SLIT3: variants seen among roughly 807,000 people sequenced by gnomAD.
SLIT3 encodes slit homolog 3 protein.
Under a neutral mutation model 184.0 loss-of-function variants are expected in SLIT3, and 68 were observed. That is an observed-to-expected ratio of 0.37 (90% CI 0.30 to 0.45). The LOEUF (loss-of-function observed/expected upper bound fraction) is 0.45, where lower values mean the gene tolerates loss of function less well. Among genes scored for constraint, SLIT3 ranks in the 20% least tolerant of loss-of-function variants. SLIT3 has a pLI of 1.00. For synonymous variants in SLIT3, 831 were observed against 828.6 expected, an observed-to-expected ratio of 1.00 and a Z score of -0.05; for missense variants, 1,707 against 2,026.0, an observed-to-expected ratio of 0.84 and a Z score of 3.02.
chr5:169,019,668 A>G (rs544575436), intron 4 of SLIT3, among the ~76,000 whole-genome samples: 10 of 152,354 alleles, frequency 6.6e-5, no homozygotes, highest in African/African-American at 2.2e-4. Flanking sequence ...AGGGGAGCAT[A>G]TGGAAAATGC....
intron 22 of SLIT3, 90 bp downstream of exon 22, chr5:168,722,843 A>G: frequency 1.0e-6 from 1 of 992,518 alleles, no homozygotes; most frequent in South Asian, 1.3e-5. Context: ...ATTAGGGCAG[A>G]GAAACTAGTC....
At chr5:169,280,400 A>G (rs1766958682) in intron 1 of SLIT3, among the ~76,000 whole-genome samples, 2 of 151,162 alleles carry the variant, frequency 1.3e-5, no homozygotes, top group Non-Finnish European at 1.5e-5. Context: ...CTAATTAATC[A>G]CTCCCACTTA....
intron 15 of SLIT3, 71 bp from the exon 16 acceptor site, chr5:168,761,007 G>A (rs1242106826): frequency 2.7e-6 from 3 of 1,109,366 alleles, no homozygotes; most frequent in Admixed American, 3.4e-5. Context: ...CCATGGCTTT[G>A]CTGCATTGCT....
intron 12 of SLIT3, 111 bp from the exon 13 acceptor site, chr5:168,774,489 G>A (rs1755671261): frequency 2.6e-6 from 3 of 1,134,264 alleles, no homozygotes. Context: ...CATCCTTGCA[G>A]CCTTGAGCTC....
At chr5:168,909,402 C>T (rs975673396) in intron 4 of SLIT3, among the ~76,000 whole-genome samples, 1 of 152,168 alleles carries the variant, frequency 6.6e-6, no homozygotes, top group Non-Finnish European at 1.5e-5. Flanking sequence ...AGGTCCTCTC[C>T]CCCATGGCGC....
intron 5 of SLIT3, among the ~76,000 whole-genome samples, chr5:168,848,278 A>G (rs1048651974): frequency 6.6e-6 from 1 of 152,346 alleles, no homozygotes; most frequent in Non-Finnish European, 1.5e-5. Context: ...AGTGACGACA[A>G]TAAAGACTGA....
At position 169,244,746 on chromosome 5, in the gene SLIT3, G is replaced by A. The variant is rs1295246785; in HGVS notation, c.300C>T (p.Ile100=). Residue 100 remains isoleucine, a synonymous_variant, in exon 3 of 36, where the codon ATC becomes ATT. Transcript: ENST00000519560. ...TCAGGTCCTGGAAGGCGCCTCTCTCGATGACGCTGACCTGGTTGTCTTCCA... is the reference window on the plus strand; with the variant it reads ...TCAGGTCCTGGAAGGCGCCTCTCTCAATGACGCTGACCTGGTTGTCTTCCA... ...LHLEDNQVSV[I]ERGAFQDLKQ... 6.8e-6 allele frequency: 11 copies of A among 1,613,798 alleles called. No individual in the cohort carries two copies. Among genetic ancestry groups the A allele is most frequent in the African/African-American group, 1.3e-5 (1 of 74,918 alleles).
At chr5:169,189,297 G>A (rs78318584) in intron 4 of SLIT3, among the ~76,000 whole-genome samples, 8,660 of 151,756 alleles carry the variant, frequency 0.057, 884 homozygotes, top group African/African-American at 0.2. Context: ...AGCTGCCCAC[G>A]GTAATTAGCA....
rs892936921 is a variant in SLIT3 at position 168,789,490 on chromosome 5, T to C, written c.1079+70A>G. 1.6e-4 allele frequency: 189 copies of C among 1,178,796 alleles called. 1 individual carries two copies. The highest frequency in any genetic ancestry group is 7.9e-4 in the Middle Eastern group (4 of 5,050). The allele number at this position is 1,178,796 out of a possible 1,614,324, so 73.0% of individuals were successfully genotyped here. A position where few individuals can be genotyped will look rare whatever the true frequency, so the allele number is the denominator to read the frequency against. On this transcript the variant is annotated intron_variant, in intron 11 of 35. Coordinates refer to ENST00000519560, the MANE Select transcript of SLIT3 (RefSeq NM_003062.4). ...CTTGATAAACACCTCCTGAGAAATA[T>C]GGTTGCGTCTCTCTTCCCTCCAGCG... is the stretch of plus-strand genomic sequence containing the variant.
In SLIT3 at chr5:168,696,527, T is replaced by G. The variant is rs1224787215; in HGVS notation, c.2943-96A>C. On this transcript the variant is annotated intron_variant, in intron 27 of 35. Coordinates refer to ENST00000519560, the MANE Select transcript of SLIT3 (RefSeq NM_003062.4). ...AGGAAGACACGGGTGGGAAATACAATTAGTTTTTCCTCCAGATGGAGGTCT... is the reference window on the plus strand; with the variant it reads ...AGGAAGACACGGGTGGGAAATACAAGTAGTTTTTCCTCCAGATGGAGGTCT... 11 of 1,444,680 alleles carry G rather than the reference T, an allele frequency of 7.6e-6. No homozygotes were observed. In the Admixed American group the frequency reaches 2.0e-4, roughly 26 times the overall value. The allele number at this position is 1,444,680 out of a possible 1,614,324, so 89.5% of individuals were successfully genotyped here.
chr5:168,794,885 C>A (rs1227318850), intron 10 of SLIT3, among the ~76,000 whole-genome samples: 1 of 152,168 alleles, frequency 6.6e-6, no homozygotes, highest in East Asian at 1.9e-4. Flanking sequence ...CTTTAGGCCA[C>A]CTGCACATAG....
In SLIT3 at chr5:169,157,170, C is replaced by CT. The variant is rs376604315; in HGVS notation, c.413+36308dup. 3.9e-3 allele frequency among the ~76,000 whole-genome samples: 598 copies of CT among 152,276 alleles called. 6 individuals are homozygous for CT. The highest frequency in any genetic ancestry group is 0.014 in the African/African-American group (566 of 41,546). On this transcript the variant is annotated intron_variant, in intron 4 of 35. Coordinates refer to ENST00000519560, the MANE Select transcript of SLIT3 (RefSeq NM_003062.4). ...ACTTTGCTGAGTAGTGATGAAGTCCCTCCATACAATGTCAGCAGAGACTGT... is the reference window on the plus strand; with the variant it reads ...ACTTTGCTGAGTAGTGATGAAGTCCCTTCCATACAATGTCAGCAGAGACTGT...
intron 4 of SLIT3, among the ~76,000 whole-genome samples, chr5:168,932,532 ACTCAC>A (rs1377573702): frequency 3.5e-4 from 53 of 152,072 alleles, no homozygotes; most frequent in Admixed American, 3.5e-3. Flanking sequence ...GTCCTAGTGT[ACTCAC>A]CTCAGCCAGC....
intron 4 of SLIT3, among the ~76,000 whole-genome samples, chr5:169,007,090 A>T (rs146037769): frequency 1.2e-3 from 180 of 152,266 alleles, no homozygotes; most frequent in Non-Finnish European, 2.1e-3. Flanking sequence ...CGTGATAGTG[A>T]GTGAGTTCTC....
intron 4 of SLIT3, among the ~76,000 whole-genome samples, chr5:169,179,323 G>A (rs1382301787): frequency 1.6e-5 from 2 of 125,804 alleles, no homozygotes; most frequent in African/African-American, 5.7e-5. Flanking sequence ...TTTTGTTTGA[G>A]TCTCCACAGG....
intron 12 of SLIT3, 135 bp downstream of exon 12, chr5:168,785,772 G>T: frequency 1.5e-6 from 1 of 661,586 alleles, no homozygotes; most frequent in Non-Finnish European, 2.7e-6. Flanking sequence ...GAGGTGAAGC[G>T]TGGACAGCTC....
chr5:168,892,196 A>G (rs149444066), intron 4 of SLIT3, among the ~76,000 whole-genome samples: 2 of 152,372 alleles, frequency 1.3e-5, no homozygotes, highest in African/African-American at 2.4e-5. Context: ...ATTTAACTCA[A>G]TATATCCAAA....
At chr5:169,001,969 A>C (rs1249784346) in intron 4 of SLIT3, among the ~76,000 whole-genome samples, 1 of 151,764 alleles carries the variant, frequency 6.6e-6, no homozygotes, top group African/African-American at 2.4e-5. Context: ...TAGGGAGAGG[A>C]GGGGACTCAA....
intron 1 of SLIT3, among the ~76,000 whole-genome samples, chr5:169,255,077 C>T (rs1057282325): frequency 1.6e-4 from 24 of 152,230 alleles, no homozygotes; most frequent in Admixed American, 8.5e-4. Context: ...GTTTATGTGA[C>T]GCTGGTGAAA....
Sources: allele counts gnomAD v4.1 joint callset (sites outside exome capture counted in the v4.1 genomes callset), GRCh38; gene constraint gnomAD v4.1.1; transcripts MANE v1.5; gene names NCBI Gene and HGNC (gene_info 2026-07-23, HGNC 2026-07-21).